AFF2: variants seen among roughly 807,000 people sequenced by gnomAD.
The protein encoded by AFF2 is ALF transcription elongation factor 2, also known as AF4/FMR2 family member 2.
AFF2 carries 14 observed loss-of-function variants against 76.9 expected under a neutral mutation model. The ratio of observed to expected loss-of-function variants is 0.18; its 90% CI spans 0.12 to 0.28. The LOEUF is 0.28. AFF2 is among the 10% of genes least tolerant of loss of function. The pLI is 1.00. For missense variants in AFF2, 868 were observed against 1,001.1 expected, an observed-to-expected ratio of 0.87 and a Z score of 1.79; for synonymous variants, 398 against 366.7, an observed-to-expected ratio of 1.09 and a Z score of -0.98.
chrX:148,661,448 C>T (rs782762768), intron 2 of AFF2, among the ~76,000 whole-genome samples: 35 of 111,758 alleles, frequency 3.1e-4, no homozygotes, highest in Non-Finnish European at 5.5e-4. Context: ...TATCCAATAG[C>T]CTAAGCCTTT....
At chrX:148,938,047 A>G (rs2071792908) in intron 9 of AFF2, among the ~76,000 whole-genome samples, 1 of 112,413 alleles carries the variant, frequency 8.9e-6, no homozygotes, top group Non-Finnish European at 1.9e-5. Context: ...AGCATAATTT[A>G]ACATGAGGAA....
At chrX:148,990,927 C>G (rs1391986223) in intron 20 of AFF2, among the ~76,000 whole-genome samples, 1 of 112,181 alleles carries the variant, frequency 8.9e-6, no homozygotes. Context: ...TAGAAATACC[C>G]TTTTCTAAAT....
rs953843534 is a variant in AFF2 at position 148,806,906 on chromosome X, G to A, written c.1042-2970G>A. Among the ~76,000 whole-genome samples, 5 of 112,483 alleles carry A rather than the reference G, an allele frequency of 4.4e-5. No individual in the cohort carries two copies. The Admixed American group carries it at 4.7e-4, about 11-fold the overall frequency. ...TTAATTAAAAAGCACTTGCAGGAAG[G>A]AAAAGCACTTGCGGTTCAAATGTGG... On this transcript the variant is annotated intron_variant, in intron 3 of 20. Transcript: ENST00000370460.
chrX:148,761,694 G>C (rs2069445629), intron 3 of AFF2, among the ~76,000 whole-genome samples: 1 of 110,621 alleles, frequency 9.0e-6, no homozygotes, highest in Non-Finnish European at 1.9e-5. Flanking sequence ...GACACCTTCT[G>C]TATCCTCATG....
chrX:148,786,839 T>A (rs909463325), intron 3 of AFF2, among the ~76,000 whole-genome samples: 6 of 111,762 alleles, frequency 5.4e-5, no homozygotes, highest in Non-Finnish European at 9.4e-5. Context: ...GTGCCTGGAC[T>A]ATATTTGAAG....
chrX:148,858,621 A>G (rs1400603836), intron 7 of AFF2, among the ~76,000 whole-genome samples: 1 of 111,653 alleles, frequency 9.0e-6, no homozygotes, highest in Non-Finnish European at 1.9e-5. Flanking sequence ...ACACAATATT[A>G]TAATGTACAA....
intron 7 of AFF2, among the ~76,000 whole-genome samples, chrX:148,885,404 A>T (rs1557278946): frequency 1.8e-5 from 2 of 111,385 alleles, no homozygotes; most frequent in Non-Finnish European, 3.8e-5. Flanking sequence ...AGCAGAGGGC[A>T]CTGAAAGGCA....
intron 1 of AFF2, among the ~76,000 whole-genome samples, chrX:148,563,813 A>G (rs1346271596): frequency 8.9e-6 from 1 of 111,737 alleles, no homozygotes; most frequent in Non-Finnish European, 1.9e-5. Context: ...GTTATCTTCC[A>G]GACTGTGAGC....
intron 1 of AFF2, among the ~76,000 whole-genome samples, chrX:148,514,330 A>G (rs1230591671): frequency 2.7e-5 from 3 of 112,514 alleles, no homozygotes; most frequent in African/African-American, 9.7e-5. Flanking sequence ...TTATTCCCAC[A>G]TGCCGTGAAA....
At chrX:148,785,056 C>T (rs782546251) in intron 3 of AFF2, among the ~76,000 whole-genome samples, 2 of 111,872 alleles carry the variant, frequency 1.8e-5, no homozygotes, top group African/African-American at 3.3e-5. Flanking sequence ...CTTGCTCCCC[C>T]CCTTCCCCCA....
intron 1 of AFF2, among the ~76,000 whole-genome samples, chrX:148,624,919 A>G (rs1557251809): frequency 8.9e-6 from 1 of 112,308 alleles, no homozygotes; most frequent in African/African-American, 3.2e-5. Context: ...TACTTAGCCC[A>G]TAGCAAAATG....
intron 1 of AFF2, among the ~76,000 whole-genome samples, chrX:148,520,734 A>G (rs2052586457): frequency 8.9e-6 from 1 of 112,404 alleles, no homozygotes; most frequent in Non-Finnish European, 1.9e-5. Flanking sequence ...AGTGCCTTTT[A>G]CTTCAGACTT....
intron 1 of AFF2, among the ~76,000 whole-genome samples, chrX:148,522,081 A>T (rs782677265): frequency 2.7e-5 from 3 of 112,226 alleles, no homozygotes; most frequent in African/African-American, 9.7e-5. Context: ...ATACTCTCAC[A>T]ATCTCCCCTG....
At chrX:148,642,695 G>A (rs371668454) in intron 1 of AFF2, among the ~76,000 whole-genome samples, 7 of 112,128 alleles carry the variant, frequency 6.2e-5, no homozygotes, top group East Asian at 5.6e-4. Context: ...GCCAAGCTAA[G>A]CCTTGGGCCA....
chrX:148,967,108 T>C, intron 14 of AFF2, 29 bp downstream of exon 14: 2 of 1,200,170 alleles, frequency 1.7e-6, no homozygotes, highest in Non-Finnish European at 2.2e-6. Context: ...TCATGGACAG[T>C]TTGGAGTAGT....
intron 9 of AFF2, among the ~76,000 whole-genome samples, chrX:148,930,699 C>T (rs2071702050): frequency 8.9e-6 from 1 of 112,137 alleles, no homozygotes; most frequent in Admixed American, 9.4e-5. Flanking sequence ...CTCTTTGAGG[C>T]CTCTGGCTAC....
intron 1 of AFF2, among the ~76,000 whole-genome samples, chrX:148,617,692 C>T: frequency 8.9e-6 from 1 of 112,493 alleles, no homozygotes; most frequent in East Asian, 2.8e-4. Context: ...ATGCAATTCA[C>T]ACTCGCCTTA....
intron 1 of AFF2, among the ~76,000 whole-genome samples, chrX:148,642,759 G>C (rs1354625193): frequency 1.8e-5 from 2 of 112,200 alleles, no homozygotes; most frequent in South Asian, 3.7e-4. Context: ...GAGGAAAGAG[G>C]AAAAGGAGGA....
intron 1 of AFF2, among the ~76,000 whole-genome samples, chrX:148,568,111 G>C (rs1557241963): frequency 2.7e-5 from 3 of 111,165 alleles, no homozygotes; most frequent in Non-Finnish European, 3.8e-5. Flanking sequence ...CAGCATCATA[G>C]AGCCAGAAAG....
Sources: allele counts gnomAD v4.1 joint callset (sites outside exome capture counted in the v4.1 genomes callset), GRCh38; gene constraint gnomAD v4.1.1; transcripts MANE v1.5; gene names NCBI Gene and HGNC (gene_info 2026-07-23, HGNC 2026-07-21).